The following RASAL2 variants were observed in gnomAD, a reference collection of about 807,000 sequenced individuals.
RASAL2 encodes RAS protein activator like 2.
In RASAL2, 58 loss-of-function variants were observed where a neutral mutation model predicts 128.9. The observed-to-expected ratio is 0.45, with a 90% CI of 0.36 to 0.56. RASAL2 has a LOEUF of 0.56. Among genes scored for constraint, RASAL2 ranks in the 20% least tolerant of loss-of-function variants. The pLI, the probability that RASAL2 is intolerant of heterozygous loss-of-function variation, is 0.00. For synonymous variants in RASAL2, 561 were observed against 580.8 expected, an observed-to-expected ratio of 0.97 and a Z score of 0.49; for missense variants, 1,360 against 1,601.6, an observed-to-expected ratio of 0.85 and a Z score of 2.57.
chr1:178,466,481 T>C (rs890347573), intron 16 of RASAL2, among the ~76,000 whole-genome samples: 1 of 152,224 alleles, frequency 6.6e-6, no homozygotes, highest in African/African-American at 2.4e-5. Context: ...GGAATATCTT[T>C]AGGGCCAGAG....
intron 1 of RASAL2, among the ~76,000 whole-genome samples, chr1:178,098,342 A>G (rs898576362): frequency 6.6e-6 from 1 of 152,214 alleles, no homozygotes; most frequent in Non-Finnish European, 1.5e-5. Context: ...CTAAATATGG[A>G]TACAGAATCC....
chr1:178,459,871 T>C (rs959094662), intron 14 of RASAL2, among the ~76,000 whole-genome samples: 1 of 152,200 alleles, frequency 6.6e-6, no homozygotes, highest in Non-Finnish European at 1.5e-5. Flanking sequence ...TAGTAAGCAT[T>C]TTTATTTGAA....
At chr1:178,171,607 T>C (rs1661708089) in intron 1 of RASAL2, among the ~76,000 whole-genome samples, 1 of 151,996 alleles carries the variant, frequency 6.6e-6, no homozygotes, top group African/African-American at 2.4e-5. Flanking sequence ...AGGTTATAAA[T>C]AGTTTCTGTG....
chr1:178,116,963 T>C (rs1659541590), intron 1 of RASAL2, among the ~76,000 whole-genome samples: 1 of 152,222 alleles, frequency 6.6e-6, no homozygotes, highest in Non-Finnish European at 1.5e-5. Context: ...AAACATAGAC[T>C]TAAATAATGC....
intron 1 of RASAL2, among the ~76,000 whole-genome samples, chr1:178,131,027 C>T (rs372370466): frequency 2.1e-4 from 32 of 150,874 alleles, no homozygotes; most frequent in African/African-American, 7.3e-4. Context: ...GCAGTCCCAG[C>T]CTGGGTGAAA....
chr1:178,256,379 C>T (rs759082693), intron 1 of RASAL2, among the ~76,000 whole-genome samples: 10 of 152,172 alleles, frequency 6.6e-5, no homozygotes, highest in Non-Finnish European at 1.3e-4. Context: ...CAAACATCTA[C>T]AGCTAATATC....
intron 1 of RASAL2, among the ~76,000 whole-genome samples, chr1:178,267,594 A>G (rs1042433184): frequency 6.9e-6 from 1 of 145,886 alleles, no homozygotes; most frequent in African/African-American, 2.5e-5. Context: ...AAGGTCGATA[A>G]TACCAGGTAA....
chr1:178,257,523 T>TA (rs972986695), intron 1 of RASAL2, among the ~76,000 whole-genome samples: 2 of 151,936 alleles, frequency 1.3e-5, no homozygotes, highest in African/African-American at 4.8e-5. Context: ...CCACTCATCA[T>TA]AAGAGTATAA....
intron 1 of RASAL2, among the ~76,000 whole-genome samples, chr1:178,117,559 A>G (rs1244091127): frequency 6.6e-6 from 1 of 152,170 alleles, no homozygotes; most frequent in East Asian, 1.9e-4. Flanking sequence ...CCAATGTGAT[A>G]GTGTTAAGAG....
intron 3 of RASAL2, among the ~76,000 whole-genome samples, chr1:178,325,159 C>A (rs1668978976): frequency 6.6e-6 from 1 of 152,134 alleles, no homozygotes; most frequent in African/African-American, 2.4e-5. Flanking sequence ...ATTCTCCTTA[C>A]AACATTCCTA....
intron 4 of RASAL2, among the ~76,000 whole-genome samples, chr1:178,414,372 T>C (rs1198428025): frequency 6.6e-6 from 1 of 152,172 alleles, no homozygotes; most frequent in Non-Finnish European, 1.5e-5. Flanking sequence ...TGCATAATAC[T>C]ATAATTGTGG....
rs547132534 is a variant in RASAL2 at position 178,199,678 on chromosome 1, C to T, written c.203-83886C>T. 2.6e-5 allele frequency among the ~76,000 whole-genome samples: 4 copies of T among 151,242 alleles called. No homozygotes were observed. The East Asian group carries it at 5.8e-4, about 22-fold the overall frequency. On this transcript the variant is annotated intron_variant, in intron 1 of 17. Coordinates refer to ENST00000367649, the MANE Select transcript of RASAL2 (RefSeq NM_170692.4). ...ATATGTATGTTTCATGACAACCAAT[C>T]TTCTGTGTTTTTTTTTGGAGACAAA...
chr1:178,251,308 G>A (rs1171384198), intron 1 of RASAL2, among the ~76,000 whole-genome samples: 1 of 152,166 alleles, frequency 6.6e-6, no homozygotes, highest in African/African-American at 2.4e-5. Context: ...ACAATAACTT[G>A]CTCATACAAT....
intron 1 of RASAL2, among the ~76,000 whole-genome samples, chr1:178,096,386 G>A (rs1658683442): frequency 6.6e-6 from 1 of 151,916 alleles, no homozygotes; most frequent in South Asian, 2.1e-4. Flanking sequence ...TCATTTGTAA[G>A]GACATAAAAG....
In RASAL2 at chr1:178,215,053, T is replaced by G. The variant is rs79823975; in HGVS notation, c.203-68511T>G. 7.7e-4 allele frequency among the ~76,000 whole-genome samples: 117 copies of G among 152,378 alleles called. 3 individuals carry two copies. In the East Asian group the frequency reaches 0.023, roughly 29 times the overall value. ...ACTTCGTTTTAGCTGTGGAACTTTT[T>G]CTTCAAATGTTATCTCATGTGTAAG... On this transcript the variant is annotated intron_variant, in intron 1 of 17. Transcript: ENST00000367649.
At chr1:178,383,426 A>G (rs1672388920) in intron 3 of RASAL2, among the ~76,000 whole-genome samples, 1 of 152,188 alleles carries the variant, frequency 6.6e-6, no homozygotes, top group Non-Finnish European at 1.5e-5. Flanking sequence ...AAAAACACCC[A>G]GGTGCTATAG....
intron 1 of RASAL2, among the ~76,000 whole-genome samples, chr1:178,226,606 T>C (rs1420998858): frequency 6.6e-6 from 1 of 152,216 alleles, no homozygotes; most frequent in Non-Finnish European, 1.5e-5. Flanking sequence ...AATTTTGTGT[T>C]GACTTATATG....
Position 178,457,938 on chromosome 1 carries a change from C to T in RASAL2, c.2646C>T (p.Thr882=), listed in dbSNP as rs1464146988. ...TGACCGGAAGCCAGCTTTCCATAACCCAGGTGGCCAGCATCAAACAGCTGC... is the reference window on the plus strand; with the variant it reads ...TGACCGGAAGCCAGCTTTCCATAACTCAGGTGGCCAGCATCAAACAGCTGC... The part of the protein sequence containing the change: ...IRLTGSQLSI[T]QVASIKQLRE... The change falls in exon 14 of 18, where the codon ACC becomes ACT. Residue 882 remains threonine, a synonymous_variant. Coordinates refer to ENST00000367649, the MANE Select transcript of RASAL2 (RefSeq NM_170692.4). The T allele has an allele frequency of 1.2e-6, 2 of 1,614,032 alleles. No homozygotes were observed. The highest frequency in any genetic ancestry group is 2.7e-5 in the African/African-American group (2 of 74,934).
At chr1:178,422,782 C>T (rs910987540) in intron 5 of RASAL2, among the ~76,000 whole-genome samples, 2 of 152,042 alleles carry the variant, frequency 1.3e-5, no homozygotes, top group East Asian at 1.9e-4. Flanking sequence ...CATTTCTGTT[C>T]TTTTATCCAA....
Sources: allele counts gnomAD v4.1 joint callset (sites outside exome capture counted in the v4.1 genomes callset), GRCh38; gene constraint gnomAD v4.1.1; transcripts MANE v1.5; gene names NCBI Gene and HGNC (gene_info 2026-07-23, HGNC 2026-07-21).